CAPZA2: variants seen among roughly 807,000 people sequenced by gnomAD.
CAPZA2 encodes F-actin-capping protein subunit alpha-2.
CAPZA2 carries 13 observed loss-of-function variants against 44.0 expected under a neutral mutation model. The observed-to-expected ratio is 0.30, with a 90% confidence interval of 0.19 to 0.47. The LOEUF (loss-of-function observed/expected upper bound fraction) is 0.47, where lower values mean the gene tolerates loss of function less well. Ranked by LOEUF, CAPZA2 falls within the 20% of genes least tolerant of loss-of-function variation. The pLI is 1.00. For missense variants in CAPZA2, 244 were observed against 338.6 expected (o/e 0.72, Z 2.19); for synonymous variants, 94 against 108.2 (o/e 0.87, Z 0.81).
intron 1 of CAPZA2, among the ~76,000 whole-genome samples, chr7:116,887,661 A>G (rs892769347): frequency 3.3e-5 from 5 of 151,442 alleles, no homozygotes; most frequent in Non-Finnish European, 7.4e-5. Context: ...GTGAAACCTC[A>G]TCTCTACTAA....
intron 1 of CAPZA2, among the ~76,000 whole-genome samples, chr7:116,870,916 A>G (rs551248367): frequency 1.1e-4 from 16 of 152,358 alleles, no homozygotes; most frequent in Admixed American, 8.5e-4. Context: ...AGGAAAGAGG[A>G]TACACAGCTG....
chr7:116,910,612 T>C (rs972641664), intron 7 of CAPZA2, among the ~76,000 whole-genome samples: 2 of 152,184 alleles, frequency 1.3e-5, no homozygotes, highest in Non-Finnish European at 2.9e-5. Flanking sequence ...TGAGTTTGAG[T>C]TGTGTACTTC....
At chr7:116,879,742 C>T (rs1029996642) in intron 1 of CAPZA2, among the ~76,000 whole-genome samples, 5 of 152,134 alleles carry the variant, frequency 3.3e-5, no homozygotes, top group Admixed American at 1.3e-4. Context: ...TGTCTGTGGC[C>T]TGGGGTTTGG....
At chr7:116,885,157 A>G (rs1224595471) in intron 1 of CAPZA2, among the ~76,000 whole-genome samples, 1 of 151,788 alleles carries the variant, frequency 6.6e-6, no homozygotes, top group Non-Finnish European at 1.5e-5. Context: ...ATTTGATAAT[A>G]TTTTCTCCAG....
At chr7:116,908,115 G>T (rs1010987765) in intron 6 of CAPZA2, among the ~76,000 whole-genome samples, 7 of 150,860 alleles carry the variant, frequency 4.6e-5, no homozygotes, top group Non-Finnish European at 1.0e-4. Context: ...AAAAAAATTA[G>T]CCAGGCATGG....
At chr7:116,895,837 TG>T (rs1170413723) in intron 3 of CAPZA2, among the ~76,000 whole-genome samples, 3 of 152,112 alleles carry the variant, frequency 2.0e-5, no homozygotes, top group African/African-American at 7.2e-5. Context: ...TGGTTCACAG[TG>T]TCCTCTCTGT....
At chr7:116,890,416 ATGCC>A in intron 2 of CAPZA2, among the ~76,000 whole-genome samples, 1 of 150,092 alleles carries the variant, frequency 6.7e-6, no homozygotes, top group South Asian at 2.1e-4. Context: ...CATGCCTATA[ATGCC>A]AGCGCTTTGG....
intron 2 of CAPZA2, among the ~76,000 whole-genome samples, chr7:116,888,851 CAAAA>C (rs1263066485): frequency 6.6e-6 from 1 of 150,888 alleles, no homozygotes; most frequent in African/African-American, 2.4e-5. Flanking sequence ...AACAAACAAA[CAAAA>C]AAAAGTTTCA....
chr7:116,912,934 G>C (rs533067123), intron 8 of CAPZA2, among the ~76,000 whole-genome samples: 1 of 152,114 alleles, frequency 6.6e-6, no homozygotes, highest in African/African-American at 2.4e-5. Flanking sequence ...CAGTTTTTCT[G>C]TATCTTTTTC....
intron 6 of CAPZA2, 148 bp downstream of exon 6, chr7:116,906,490 A>G: frequency 7.4e-7 from 1 of 1,355,868 alleles, no homozygotes; most frequent in Non-Finnish European, 9.6e-7. Context: ...GATATAAGGA[A>G]GGTAAATTTG....
At position 116,871,326 on chromosome 7, in the gene CAPZA2, T is replaced by C. The variant is rs546447848; in HGVS notation, c.39+8676T>C. On this transcript the variant is annotated intron_variant, in intron 1 of 9. Coordinates refer to ENST00000361183, the MANE Select transcript of CAPZA2 (RefSeq NM_006136.3). ...GAGCGGTGCTCAGTGTTGCAGAGAT[T>C]AAGGAGTATGAGATTGAAAAAAGCC... 2.0e-5 allele frequency among the ~76,000 whole-genome samples: 3 copies of C among 152,296 alleles called. No individual in the cohort carries two copies. The South Asian group carries it at 6.2e-4, about 32-fold the overall frequency.
Position 116,918,012 on chromosome 7 carries a change from G to C in CAPZA2, c.*145G>C, listed in dbSNP as rs955779398. ...TTAATTAGTTTGATTAGAGCACAAA[G>C]CTTAGCTAATCAACCATTATTTTTC... On this transcript the variant is annotated 3_prime_UTR_variant, in exon 10 of 10. Coordinates refer to ENST00000361183, the MANE Select transcript of CAPZA2 (RefSeq NM_006136.3). 6 of 592,504 alleles carry C rather than the reference G, an allele frequency of 1.0e-5. No homozygotes were observed. The highest frequency in any genetic ancestry group is 1.8e-5 in the Non-Finnish European group (6 of 334,642). 36.7% of individuals were successfully genotyped at this position (592,504 alleles called of 1,614,324 possible). A position where few individuals can be genotyped will look rare whatever the true frequency, so the allele number is the denominator to read the frequency against.
chr7:116,904,281 A>G lies in CAPZA2; in HGVS notation c.324A>G (p.Pro108=). 1 of 1,613,248 alleles carries G rather than the reference A, an allele frequency of 6.2e-7. No individual in the cohort carries two copies. The highest frequency in any genetic ancestry group is 8.5e-7 in the Non-Finnish European group (1 of 1,179,190). ...ACTTAAGGAAGGAGGCAACTGATCC[A>G]AGACCCTGTGAAGTAGAAAATGCAG... ...FDHLRKEATD[P]RPCEVENAVE... Residue 108 remains proline, a synonymous_variant, in exon 5 of 10, where the codon CCA becomes CCG. Coordinates refer to ENST00000361183, the MANE Select transcript of CAPZA2 (RefSeq NM_006136.3).
intron 1 of CAPZA2, among the ~76,000 whole-genome samples, chr7:116,886,399 A>G (rs1182869965): frequency 6.6e-6 from 1 of 152,178 alleles, no homozygotes; most frequent in Non-Finnish European, 1.5e-5. Flanking sequence ...GAACATCTTC[A>G]TTCTAGCCAT....
At position 116,921,218 on chromosome 7, in the gene CAPZA2, T is replaced by C. The variant is rs1473820615; in HGVS notation, c.*3351T>C. ...GGCCAATATGGTGCAACCCCATCTC[T>C]ACTAAAAATACAAAAATTAGCTGGG... On this transcript the variant is annotated 3_prime_UTR_variant, in exon 10 of 10. Coordinates refer to ENST00000361183, the MANE Select transcript of CAPZA2 (RefSeq NM_006136.3). 6.6e-6 allele frequency: 1 copy of C among 152,268 alleles called. No homozygotes were observed. The highest frequency in any genetic ancestry group is 1.5e-5 in the Non-Finnish European group (1 of 68,194). The allele number at this position is 152,268 out of a possible 1,614,324, so 9.4% of individuals were successfully genotyped here. A position where few individuals can be genotyped will look rare whatever the true frequency, so the allele number is the denominator to read the frequency against.
chr7:116,914,583 T>C (rs1286867444), intron 8 of CAPZA2, among the ~76,000 whole-genome samples: 1 of 152,114 alleles, frequency 6.6e-6, no homozygotes, highest in Non-Finnish European at 1.5e-5. Context: ...TGCCTCAGCC[T>C]CTCTAGTAGC....
chr7:116,884,406 CAA>C (rs1050904715), intron 1 of CAPZA2, among the ~76,000 whole-genome samples: 1 of 152,118 alleles, frequency 6.6e-6, no homozygotes, highest in Non-Finnish European at 1.5e-5. Flanking sequence ...TGTTTGTAGT[CAA>C]ACTCTTCCCC....
At chr7:116,882,305 C>A (rs1246352128) in intron 1 of CAPZA2, among the ~76,000 whole-genome samples, 2 of 152,086 alleles carry the variant, frequency 1.3e-5, no homozygotes, top group Non-Finnish European at 2.9e-5. Flanking sequence ...CTAATTCAGT[C>A]CCTCCTTTTA....
chr7:116,880,611 G>A (rs943012807), intron 1 of CAPZA2, among the ~76,000 whole-genome samples: 1 of 146,470 alleles, frequency 6.8e-6, no homozygotes, highest in Non-Finnish European at 1.5e-5. Context: ...TGGGCAGGCT[G>A]GTCTTGAACT....
Sources: gnomAD v4.1 joint callset for allele counts (sites outside exome capture counted in the v4.1 genomes callset) on GRCh38, gnomAD v4.1.1 for gene constraint, MANE v1.5 for transcripts, NCBI Gene and HGNC (gene_info 2026-07-23, HGNC 2026-07-21) for gene names.